UBE3C: variants seen among roughly 807,000 people sequenced by gnomAD.
UBE3C encodes the protein ubiquitin protein ligase E3C.
A neutral mutation model predicts 129.4 loss-of-function variants in UBE3C; 42 were observed. The observed-to-expected ratio is 0.32, with a 90% CI of 0.25 to 0.42. The LOEUF (loss-of-function observed/expected upper bound fraction) is 0.42. Ranked by LOEUF, UBE3C falls within the 10% of genes least tolerant of loss-of-function variation. UBE3C has a pLI of 1.00. For synonymous variants in UBE3C, 510 were observed against 492.4 expected (o/e 1.04, Z -0.47); for missense variants, 1,049 against 1,319.1 (o/e 0.80, Z 3.17).
intron 10 of UBE3C, among the ~76,000 whole-genome samples, chr7:157,194,121 G>A (rs1256209250): frequency 1.3e-5 from 2 of 152,094 alleles, no homozygotes; most frequent in East Asian, 1.9e-4. Context: ...CATTTTCTTT[G>A]GAAGATGATT....
At chr7:157,182,541 G>A (rs1189678822) in intron 8 of UBE3C, among the ~76,000 whole-genome samples, 1 of 152,116 alleles carries the variant, frequency 6.6e-6, no homozygotes, top group East Asian at 1.9e-4. Flanking sequence ...GTCTTATGAG[G>A]CCACACAGAT....
chr7:157,154,982 G>A (rs13229593), intron 1 of UBE3C, among the ~76,000 whole-genome samples: 6,996 of 152,204 alleles, frequency 0.046, 216 homozygotes, highest in Non-Finnish European at 0.071. Context: ...CTTTGTGATG[G>A]TAAATGGTCA....
chr7:157,139,963 CTG>C lies in UBE3C; in HGVS notation c.66+628_66+629del, dbSNP rs559041361. Reference sequence around the variant, plus strand: ...TTATTTGCCACCAGCCTCCTGGAAACTGTGGAGAGACTCCGGACTTACATCTG... The same window carrying C: ...TTATTTGCCACCAGCCTCCTGGAAACTGGAGAGACTCCGGACTTACATCTG... On this transcript the variant is annotated intron_variant, in intron 1 of 22. Coordinates refer to ENST00000348165, the MANE Select transcript of UBE3C (RefSeq NM_014671.3). 8.4e-4 allele frequency: 823 copies of C among 985,274 alleles called. 2 individuals carry two copies. The African/African-American group carries it at 0.011, about 13-fold the overall frequency. The allele number at this position is 985,274 out of a possible 1,614,324, so 61.0% of individuals were successfully genotyped here.
chr7:157,176,003 C>T lies in UBE3C; in HGVS notation c.458+969C>T, dbSNP rs77756029. Among the ~76,000 whole-genome samples the T allele has an allele frequency of 1.5e-3, 231 of 152,194 alleles. 5 individuals carry two copies. The East Asian group carries it at 0.04, about 26-fold the overall frequency. Reference sequence around the variant, plus strand: ...AAGGAATCATGCTTCACTCAACAGCCGTACAAAAAACAGCCCTAGGGCTGG... The same window carrying T: ...AAGGAATCATGCTTCACTCAACAGCTGTACAAAAAACAGCCCTAGGGCTGG... On this transcript the variant is annotated intron_variant, in intron 5 of 22. Coordinates refer to ENST00000348165, the MANE Select transcript of UBE3C (RefSeq NM_014671.3).
At position 157,156,880 on chromosome 7, in the gene UBE3C, C is replaced by T. The variant is rs1185748759; in HGVS notation, c.67-6930C>T. Among the ~76,000 whole-genome samples the T allele has an allele frequency of 2.0e-5, 3 of 151,998 alleles. No homozygotes were observed. In the East Asian group the frequency reaches 5.8e-4, roughly 29 times the overall value. ...CATGTAGTGAATGCCCTATAATTTT[C>T]AGCAGCCAAAAAAATAAAGCTGACT... is the stretch of plus-strand genomic sequence containing the variant. On this transcript the variant is annotated intron_variant, in intron 1 of 22. Coordinates refer to ENST00000348165, the MANE Select transcript of UBE3C (RefSeq NM_014671.3).
At chr7:157,226,122 G>C (rs1795871699) in intron 17 of UBE3C, among the ~76,000 whole-genome samples, 1 of 152,022 alleles carries the variant, frequency 6.6e-6, no homozygotes, top group African/African-American at 2.4e-5. Flanking sequence ...TTTGCAAGCT[G>C]TTGTTCTAAA....
At chr7:157,182,434 C>G in intron 8 of UBE3C, 106 bp downstream of exon 8, 1 of 1,143,502 alleles carries the variant, frequency 8.7e-7, no homozygotes, top group Non-Finnish European at 1.2e-6. Context: ...AGGTGGGCCT[C>G]TCCTGGAGGA....
chr7:157,183,777 C>G (rs1808732339), intron 8 of UBE3C, 101 bp from the exon 9 acceptor site: 3 of 1,382,290 alleles, frequency 2.2e-6, no homozygotes, highest in African/African-American at 1.4e-5. Flanking sequence ...AAGATCTGGT[C>G]AGAAATGCCT....
At chr7:157,218,948 A>G (rs1795660644) in intron 14 of UBE3C, among the ~76,000 whole-genome samples, 2 of 152,214 alleles carry the variant, frequency 1.3e-5, no homozygotes, top group South Asian at 4.1e-4. Context: ...TTTTGAAAAA[A>G]AGAAGTACTC....
intron 18 of UBE3C, among the ~76,000 whole-genome samples, chr7:157,236,975 G>A (rs1030679921): frequency 6.6e-5 from 10 of 152,046 alleles, no homozygotes; most frequent in Non-Finnish European, 1.5e-4. Context: ...CAGGTGATCT[G>A]CCCATCTCAG....
chr7:157,228,868 G>T (rs1215990593), intron 17 of UBE3C, among the ~76,000 whole-genome samples: 1 of 152,206 alleles, frequency 6.6e-6, no homozygotes, highest in Non-Finnish European at 1.5e-5. Context: ...TCCAGGTACG[G>T]TAACTTCAAA....
intron 6 of UBE3C, among the ~76,000 whole-genome samples, chr7:157,179,149 T>C (rs930516711): frequency 6.6e-6 from 1 of 151,976 alleles, no homozygotes; most frequent in Non-Finnish European, 1.5e-5. Context: ...GATTGGTGTC[T>C]GCAGTGCAGC....
chr7:157,223,021 T>C, intron 15 of UBE3C: 1 of 441,654 alleles, frequency 2.3e-6, no homozygotes, highest in East Asian at 4.5e-5. Context: ...AGTGTAGTCC[T>C]TGATTAGGAC....
intron 10 of UBE3C, among the ~76,000 whole-genome samples, chr7:157,191,360 C>A (rs1348692527): frequency 6.6e-6 from 1 of 152,248 alleles, no homozygotes; most frequent in Non-Finnish European, 1.5e-5. Flanking sequence ...GGCGTGATCT[C>A]AGCTCACTGA....
intron 19 of UBE3C, among the ~76,000 whole-genome samples, chr7:157,249,466 C>A (rs561956226): frequency 2.6e-5 from 4 of 152,296 alleles, no homozygotes; most frequent in Admixed American, 2.0e-4. Context: ...CAATGCGCCA[C>A]CACGCCCAGC....
chr7:157,184,157 C>T (rs767109840), intron 9 of UBE3C, 128 bp downstream of exon 9: 105 of 1,210,840 alleles, frequency 8.7e-5, no homozygotes, highest in Non-Finnish European at 1.2e-4. Flanking sequence ...AGAGAAGCCC[C>T]GTCAGCCCCA....
At chr7:157,241,365 C>T (rs1035586387) in intron 18 of UBE3C, among the ~76,000 whole-genome samples, 1 of 152,192 alleles carries the variant, frequency 6.6e-6, no homozygotes, top group Non-Finnish European at 1.5e-5. Context: ...ATACTTGTGG[C>T]ATATATATGA....
chr7:157,267,720 G>A lies in UBE3C; in HGVS notation c.3217G>A (p.Ala1073Thr). The change falls in exon 23 of 23, where the codon GCG becomes ACG. Residue 1073 changes from alanine to threonine, a missense_variant. By Grantham distance (58) the Ala-to-Thr change is moderately conservative. Around this residue, in one of 4 missense-constraint regions of UBE3C, gnomAD observed 243 missense variants for 368.7 expected, o/e 0.66. Coordinates refer to ENST00000348165, the MANE Select transcript of UBE3C (RefSeq NM_014671.3). ...ETLLRSKLLY[A>T]IECAAGFELS ...ACTTTTGCGAAGTAAACTTCTCTAT[G>A]CGATTGAATGTGCCGCTGGCTTTGA... The A allele has an allele frequency of 6.2e-7, 1 of 1,611,800 alleles. No homozygotes were observed. The highest frequency in any genetic ancestry group is 2.2e-5 in the East Asian group (1 of 44,780).
At chr7:157,151,504 C>G (rs1485407169) in intron 1 of UBE3C, among the ~76,000 whole-genome samples, 1 of 152,102 alleles carries the variant, frequency 6.6e-6, no homozygotes, top group Non-Finnish European at 1.5e-5. Context: ...TGCTATTTTT[C>G]TAGATGTGCC....
Sources: gnomAD v4.1 joint callset for allele counts (sites outside exome capture counted in the v4.1 genomes callset) on GRCh38, gnomAD v4.1.1 for gene constraint, gnomAD v4.1.1 regional missense constraint, MANE v1.5 for transcripts, NCBI Gene and HGNC (gene_info 2026-07-23, HGNC 2026-07-21) for gene names.